Variants in THADA observed in about 807,000 individuals in gnomAD.
The protein encoded by THADA is tRNA (32-2'-O)-methyltransferase regulator THADA.
Under a neutral mutation model 219.8 loss-of-function variants are expected in THADA, and 213 were observed. That is an observed-to-expected ratio of 0.97 (90% CI 0.87 to 1.09). THADA has a LOEUF of 1.09. Ranked by LOEUF, THADA falls within the 50% of genes least tolerant of loss-of-function variation. THADA has a pLI of 0.00. For missense variants in THADA, 2,956 were observed against 2,311.3 expected, an observed-to-expected ratio of 1.28 and a Z score of -5.72; for synonymous variants, 1,018 against 828.9, an observed-to-expected ratio of 1.23 and a Z score of -3.92.
intron 26 of THADA, among the ~76,000 whole-genome samples, chr2:43,446,792 G>T (rs1681622107): frequency 6.6e-6 from 1 of 152,166 alleles, no homozygotes; most frequent in South Asian, 2.1e-4. Context: ...TGATAACAAG[G>T]AGCACACGAT....
chr2:43,270,696 T>G (rs577512577), intron 36 of THADA, among the ~76,000 whole-genome samples: 1 of 152,102 alleles, frequency 6.6e-6, no homozygotes, highest in South Asian at 2.1e-4. Context: ...TATTCACATT[T>G]AAAATGGAGG....
At chr2:43,272,170 G>A (rs139758411) in intron 36 of THADA, among the ~76,000 whole-genome samples, 412 of 152,290 alleles carry the variant, frequency 2.7e-3, no homozygotes, top group African/African-American at 9.6e-3. Context: ...GTTGGAATGG[G>A]CTCTGGAGTT....
intron 22 of THADA, among the ~76,000 whole-genome samples, chr2:43,521,555 C>CA (rs1692488764): frequency 6.6e-6 from 1 of 151,436 alleles, no homozygotes; most frequent in African/African-American, 2.4e-5. Flanking sequence ...GACTCCAGCT[C>CA]AAAAAAAAGG....
intron 26 of THADA, among the ~76,000 whole-genome samples, chr2:43,454,929 GT>G (rs57436158): frequency 0.17 from 25,555 of 149,200 alleles, 3,128 homozygotes; most frequent in African/African-American, 0.35. Flanking sequence ...TATATGAGCT[GT>G]TTTTTTTTTC....
intron 35 of THADA, among the ~76,000 whole-genome samples, chr2:43,280,785 A>G (rs1673254265): frequency 1.3e-5 from 2 of 152,236 alleles, no homozygotes; most frequent in South Asian, 2.1e-4. Flanking sequence ...AGCCTGTGCT[A>G]GGTGCTGCTG....
intron 28 of THADA, among the ~76,000 whole-genome samples, chr2:43,402,431 C>G (rs979899309): frequency 1.3e-5 from 2 of 152,166 alleles, no homozygotes; most frequent in African/African-American, 4.8e-5. Flanking sequence ...TCAGAATGCA[C>G]TATTCTCAGC....
chr2:43,383,613 GT>G (rs1672290980), intron 29 of THADA, among the ~76,000 whole-genome samples: 1 of 152,204 alleles, frequency 6.6e-6, no homozygotes, highest in Non-Finnish European at 1.5e-5. Flanking sequence ...GAACATAGGA[GT>G]TTAACTGGGG....
chr2:43,402,374 G>C (rs1182620850), intron 28 of THADA, among the ~76,000 whole-genome samples: 1 of 152,172 alleles, frequency 6.6e-6, no homozygotes, highest in Non-Finnish European at 1.5e-5. Context: ...CTTCAAATGA[G>C]GGTGAAATAC....
chr2:43,287,076 T>C lies in THADA; in HGVS notation c.5011-15A>G. ...AATTCCCTGTTCTAAAAGCACAAAA[T>C]GTACCTATCAGTAGTTCAGAAGATG... is the stretch of plus-strand genomic sequence containing the variant. On this transcript the variant is annotated splice_polypyrimidine_tract_variant and intron_variant, in intron 34 of 37. Transcript: ENST00000405975. The C allele has an allele frequency of 6.2e-7, 1 of 1,605,956 alleles. No homozygotes were observed. Among genetic ancestry groups the C allele is most frequent in the Non-Finnish European group, 8.5e-7 (1 of 1,174,964 alleles).
At chr2:43,250,438 G>C (rs149414428) in intron 36 of THADA, among the ~76,000 whole-genome samples, 1 of 152,316 alleles carries the variant, frequency 6.6e-6, no homozygotes, top group African/African-American at 2.4e-5. Context: ...TTTTAGGGAA[G>C]TGATGAAACC....
At chr2:43,570,129 C>T (rs1451441021) in intron 14 of THADA, among the ~76,000 whole-genome samples, 3 of 152,176 alleles carry the variant, frequency 2.0e-5, no homozygotes, top group African/African-American at 7.2e-5. Flanking sequence ...AAATTCATCT[C>T]GCCCACATAA....
chr2:43,569,077 C>G (rs980009311), intron 14 of THADA, among the ~76,000 whole-genome samples: 2 of 152,086 alleles, frequency 1.3e-5, no homozygotes, highest in Non-Finnish European at 2.9e-5. Context: ...ACTCCAGCAA[C>G]CTTCAACCCT....
intron 21 of THADA, among the ~76,000 whole-genome samples, chr2:43,537,013 G>A (rs1694697442): frequency 6.6e-6 from 1 of 152,098 alleles, no homozygotes; most frequent in African/African-American, 2.4e-5. Context: ...TTAAGACACA[G>A]CCACTTCTAA....
At chr2:43,589,444 C>T (rs1183665544) in intron 4 of THADA, among the ~76,000 whole-genome samples, 1 of 152,142 alleles carries the variant, frequency 6.6e-6, no homozygotes, top group Non-Finnish European at 1.5e-5. Context: ...AAAGTGGCTG[C>T]CAAGGGCTGA....
chr2:43,299,400 T>C (rs879768339), intron 31 of THADA, among the ~76,000 whole-genome samples: 1 of 152,220 alleles, frequency 6.6e-6, no homozygotes, highest in Non-Finnish European at 1.5e-5. Flanking sequence ...GGCTCACGCC[T>C]GTAATCCCAG....
chr2:43,276,801 T>C (rs770153788), intron 36 of THADA, among the ~76,000 whole-genome samples: 2 of 152,088 alleles, frequency 1.3e-5, no homozygotes, highest in Non-Finnish European at 2.9e-5. Context: ...TTTCCCGATT[T>C]CCTGGTAGTT....
At chr2:43,485,436 G>A in intron 25 of THADA, 111 bp from the exon 26 acceptor site, 2 of 730,206 alleles carry the variant, frequency 2.7e-6, no homozygotes, top group South Asian at 1.8e-5. Flanking sequence ...GCTAGTGTGA[G>A]GCTAAAAAGA....
intron 20 of THADA, among the ~76,000 whole-genome samples, chr2:43,548,712 C>T (rs1377603284): frequency 6.6e-6 from 1 of 151,754 alleles, no homozygotes; most frequent in East Asian, 1.9e-4. Flanking sequence ...GTTTTTTAAG[C>T]CCGTCGGAAA....
intron 26 of THADA, among the ~76,000 whole-genome samples, chr2:43,441,920 C>T (rs1216917924): frequency 3.3e-5 from 5 of 152,134 alleles, no homozygotes; most frequent in African/African-American, 1.2e-4. Context: ...CTACATGCTT[C>T]ATGTTGGGCG....
Sources: allele counts gnomAD v4.1 joint callset (sites outside exome capture counted in the v4.1 genomes callset), GRCh38; gene constraint gnomAD v4.1.1; transcripts MANE v1.5; gene names NCBI Gene and HGNC (gene_info 2026-07-23, HGNC 2026-07-21).